Variants in NCALD observed in about 807,000 individuals in gnomAD.
The protein encoded by NCALD is neurocalcin delta.
A neutral mutation model predicts 18.6 loss-of-function variants in NCALD; 10 were observed. The ratio of observed to expected loss-of-function variants is 0.54; its 90% CI spans 0.33 to 0.91. The LOEUF is 0.91. Ranked by LOEUF, NCALD falls within the 40% of genes least tolerant of loss-of-function variation. NCALD has a pLI of 0.03. For synonymous variants in NCALD, 88 were observed against 87.4 expected (o/e 1.01, Z -0.04); for missense variants, 184 against 247.6 (o/e 0.74, Z 1.72).
intron 2 of NCALD, among the ~76,000 whole-genome samples, chr8:102,016,232 A>G (rs1373976062): frequency 2.6e-5 from 4 of 152,148 alleles, no homozygotes; most frequent in Non-Finnish European, 5.9e-5. Context: ...AGGGGCAAGA[A>G]ACTCTCTCCC....
intron 2 of NCALD, among the ~76,000 whole-genome samples, chr8:101,946,771 A>C (rs1045983283): frequency 1.2e-4 from 18 of 150,332 alleles, no homozygotes; most frequent in South Asian, 2.1e-4. Flanking sequence ...ATAGCATTGA[A>C]AACAAAGCCC....
At chr8:101,693,110 A>T (rs757074127) in intron 2 of NCALD, 1 of 452,038 alleles carries the variant, frequency 2.2e-6, no homozygotes, top group Non-Finnish European at 4.1e-6. Context: ...TTCAGGAGGG[A>T]CAACCAGCAG....
At chr8:102,118,432 T>A (rs1825853107) in intron 1 of NCALD, among the ~76,000 whole-genome samples, 1 of 152,266 alleles carries the variant, frequency 6.6e-6, no homozygotes, top group Non-Finnish European at 1.5e-5. Flanking sequence ...TACTGCCTTC[T>A]GAGCAGTTCA....
At chr8:102,089,964 A>G (rs536069161) in intron 1 of NCALD, among the ~76,000 whole-genome samples, 3 of 152,326 alleles carry the variant, frequency 2.0e-5, no homozygotes, top group Non-Finnish European at 4.4e-5. Flanking sequence ...AAGGGTTATA[A>G]AAGGTTTATA....
intron 4 of NCALD, among the ~76,000 whole-genome samples, chr8:101,826,274 T>A (rs1249821765): frequency 1.3e-5 from 2 of 152,182 alleles, no homozygotes; most frequent in African/African-American, 4.8e-5. Flanking sequence ...AAATTCCACA[T>A]CTAAATGGGG....
chr8:102,043,017 T>C (rs1823107960), intron 1 of NCALD, among the ~76,000 whole-genome samples: 1 of 151,820 alleles, frequency 6.6e-6, no homozygotes, highest in African/African-American at 2.4e-5. Flanking sequence ...GAGGAGAACA[T>C]GAAGAAAGTA....
At chr8:101,857,772 A>G (rs1815379203) in intron 4 of NCALD, among the ~76,000 whole-genome samples, 1 of 152,226 alleles carries the variant, frequency 6.6e-6, no homozygotes, top group South Asian at 2.1e-4. Context: ...TAATTAAATT[A>G]AAGCAATGAA....
chr8:102,015,130 T>C (rs1434843864), intron 2 of NCALD, among the ~76,000 whole-genome samples: 5 of 152,196 alleles, frequency 3.3e-5, no homozygotes, highest in Non-Finnish European at 7.3e-5. Flanking sequence ...TTTAAGATCT[T>C]TCATTGTGTA....
chr8:101,790,402 T>G (rs1017950017), intron 1 of NCALD, among the ~76,000 whole-genome samples: 3 of 152,240 alleles, frequency 2.0e-5, no homozygotes, highest in Admixed American at 2.0e-4. Flanking sequence ...TTCCTATTGT[T>G]GCTAAATATG....
At position 102,081,553 on chromosome 8, in the gene NCALD, A is replaced by C. The variant is rs866596233; in HGVS notation, c.-210+42684T>G. The stretch of plus-strand genomic sequence containing the variant: ...GAGAATTCAAATAATGGTAAAAAAA[A>C]AAAAAAAAAAAAAAAAAAAAAAACC... On this transcript the variant is annotated intron_variant, in intron 1 of 6. Transcript: ENST00000311028. Among the ~76,000 whole-genome samples the C allele has an allele frequency of 5.8e-3, 584 of 101,364 alleles. 9 individuals carry two copies. The highest frequency in any genetic ancestry group is 0.031 in the African/African-American group (533 of 17,282). The allele number at this position is 101,364 out of a possible 152,430, so 66.5% of individuals were successfully genotyped here. A position where few individuals can be genotyped will look rare whatever the true frequency, so the allele number is the denominator to read the frequency against.
intron 2 of NCALD, chr8:101,986,430 A>T (rs1035289657): frequency 1.3e-5 from 2 of 152,238 alleles, no homozygotes; most frequent in African/African-American, 2.4e-5. Flanking sequence ...ATAAGCTCTG[A>T]TTCACGTCAA....
At chr8:101,763,907 C>T (rs940452019) in intron 1 of NCALD, among the ~76,000 whole-genome samples, 1 of 151,250 alleles carries the variant, frequency 6.6e-6, no homozygotes, top group Non-Finnish European at 1.5e-5. Flanking sequence ...GATCTTGGGA[C>T]TTGCACACCT....
At chr8:101,707,373 CTGTG>C in intron 2 of NCALD, among the ~76,000 whole-genome samples, 1 of 152,286 alleles carries the variant, frequency 6.6e-6, no homozygotes, top group South Asian at 2.1e-4. Context: ...GTGGATTAGT[CTGTG>C]TGTTCATCTG....
intron 1 of NCALD, among the ~76,000 whole-genome samples, chr8:101,742,995 A>T (rs574125591): frequency 3.5e-4 from 54 of 152,334 alleles, no homozygotes; most frequent in African/African-American, 1.3e-3. Context: ...CCTGCAAAGG[A>T]CATGATCTCA....
intron 2 of NCALD, among the ~76,000 whole-genome samples, chr8:102,001,903 T>TTG (rs1821488137): frequency 6.6e-6 from 1 of 152,178 alleles, no homozygotes; most frequent in South Asian, 2.1e-4. Flanking sequence ...GAACAACTGG[T>TTG]ACCAGCCACT....
At chr8:101,871,152 G>A (rs1446111460) in intron 4 of NCALD, among the ~76,000 whole-genome samples, 1 of 152,042 alleles carries the variant, frequency 6.6e-6, no homozygotes, top group Non-Finnish European at 1.5e-5. Context: ...TAGTATTCCT[G>A]GCGCAGCTTA....
intron 1 of NCALD, among the ~76,000 whole-genome samples, chr8:102,115,091 T>C (rs1225546530): frequency 6.6e-6 from 1 of 152,146 alleles, no homozygotes; most frequent in East Asian, 1.9e-4. Flanking sequence ...TTAATTTTTT[T>C]AAACAAAGTT....
intron 1 of NCALD, among the ~76,000 whole-genome samples, chr8:101,727,362 C>A (rs753103842): frequency 1.3e-5 from 2 of 152,216 alleles, no homozygotes; most frequent in Middle Eastern, 3.2e-3. Flanking sequence ...TACAACAACT[C>A]TCCTCACTGA....
At chr8:101,807,884 G>A (rs1434402877) in intron 4 of NCALD, among the ~76,000 whole-genome samples, 2 of 152,024 alleles carry the variant, frequency 1.3e-5, no homozygotes, top group Non-Finnish European at 1.5e-5. Flanking sequence ...TCATAGTTGG[G>A]AAAAGAAGAG....
Sources: allele counts gnomAD v4.1 joint callset (sites outside exome capture counted in the v4.1 genomes callset), GRCh38; gene constraint gnomAD v4.1.1; transcripts MANE v1.5; gene names NCBI Gene and HGNC (gene_info 2026-07-23, HGNC 2026-07-21).